The following NPRL3 variants were observed in gnomAD, a reference collection of about 807,000 sequenced individuals.
NPRL3 encodes GATOR1 complex protein NPRL3.
In NPRL3, 23 loss-of-function variants were observed where a neutral mutation model predicts 57.2. The ratio of observed to expected loss-of-function variants is 0.40; its 90% CI spans 0.29 to 0.57. NPRL3 has a LOEUF of 0.57. NPRL3 is among the 20% of genes least tolerant of loss of function. The pLI is 0.42. For missense variants in NPRL3, 691 were observed against 767.1 expected, an observed-to-expected ratio of 0.90 and a Z score of 1.17; for synonymous variants, 333 against 321.1, an observed-to-expected ratio of 1.04 and a Z score of -0.39.
intron 3 of NPRL3, among the ~76,000 whole-genome samples, chr16:121,402 C>T (rs1010417560): frequency 4.6e-5 from 7 of 152,150 alleles, no homozygotes; most frequent in Non-Finnish European, 1.5e-5. Flanking sequence ...GTGGGTGGAT[C>T]ACCCGAGGTC....
chr16:104,200 G>A (rs1024860621), intron 7 of NPRL3, among the ~76,000 whole-genome samples: 1 of 152,052 alleles, frequency 6.6e-6, no homozygotes, highest in African/African-American at 2.4e-5. Context: ...GGCTGAGGCA[G>A]GAGAATCACT....
Position 89,815 on chromosome 16 carries a change from T to C in NPRL3, c.1249A>G (p.Ser417Gly). 1 of 1,592,824 alleles carries C rather than the reference T, an allele frequency of 6.3e-7. No individual in the cohort carries two copies. The highest frequency in any genetic ancestry group is 8.5e-7 in the Non-Finnish European group (1 of 1,171,088). The change falls in exon 12 of 14, where the codon AGC (serine) becomes GGC (glycine). Residue 417 changes from serine (S) to glycine (G), a missense_variant. By Grantham distance (56) the Ser-to-Gly change is moderately conservative. Coordinates refer to ENST00000611875, the MANE Select transcript of NPRL3 (RefSeq NM_001077350.3). ...TCTCGCGGACGGGGCTCCTCCTCGC[T>C]GGGTGAGGCCATCAGGCAGACATAG... ...HTYVCLMASPSEEEPRPREDD... is the reference protein window; with the variant it reads ...HTYVCLMASPGEEEPRPREDD...
intron 2 of NPRL3, among the ~76,000 whole-genome samples, chr16:132,964 C>T (rs1486560437): frequency 5.3e-5 from 8 of 151,954 alleles, no homozygotes; most frequent in Non-Finnish European, 1.0e-4. Context: ...CCACCGCACC[C>T]GGCCCACCTT....
chr16:99,984 GAAAAAA>G (rs11402477), intron 8 of NPRL3, among the ~76,000 whole-genome samples: 1 of 115,864 alleles, frequency 8.6e-6, no homozygotes, highest in South Asian at 2.6e-4. Flanking sequence ...AAAAGAAAAA[GAAAAAA>G]AAAAGAAAAA....
At chr16:124,287 C>T (rs1359336848) in intron 3 of NPRL3, among the ~76,000 whole-genome samples, 3 of 152,206 alleles carry the variant, frequency 2.0e-5, no homozygotes, top group African/African-American at 7.2e-5. Context: ...AGAGCTGGGT[C>T]AGACCCAGCA....
intron 3 of NPRL3, among the ~76,000 whole-genome samples, chr16:124,300 A>G (rs1275540820): frequency 1.3e-5 from 2 of 152,118 alleles, no homozygotes; most frequent in African/African-American, 2.4e-5. Context: ...ACCCAGCACC[A>G]TATGTATTAG....
rs114775350 is a variant in NPRL3 at position 88,559 on chromosome 16, C to T, written c.1544+139G>A. The T allele has an allele frequency of 1.4e-3, 1,099 of 807,296 alleles. 9 individuals are homozygous for T. The African/African-American group carries it at 0.017, about 12-fold the overall frequency. The allele number at this position is 807,296 out of a possible 1,614,324, so 50.0% of individuals were successfully genotyped here. A position where few individuals can be genotyped will look rare whatever the true frequency, so the allele number is the denominator to read the frequency against. On this transcript the variant is annotated intron_variant, in intron 13 of 13. Coordinates refer to ENST00000611875, the MANE Select transcript of NPRL3 (RefSeq NM_001077350.3). ...GGGCAGTGGCACCTGCCCCTACACA[C>T]CTGAATGCAGAGACTCCATCTCGAA...
At chr16:98,429 C>T (rs1208340673) in intron 8 of NPRL3, 128 bp from the exon 9 acceptor site, 1 of 1,016,082 alleles carries the variant, frequency 9.8e-7, no homozygotes, top group East Asian at 2.6e-5. Flanking sequence ...ACCGGGTATG[C>T]ACCAGGTATG....
intron 7 of NPRL3, among the ~76,000 whole-genome samples, chr16:105,732 T>A (rs964821355): frequency 6.6e-6 from 1 of 152,348 alleles, no homozygotes; most frequent in South Asian, 2.1e-4. Context: ...CCCTAGCGGA[T>A]GAGCTGTGCT....
chr16:86,886 G>T lies in NPRL3; in HGVS notation c.1545-16C>A. 2.5e-6 allele frequency: 4 copies of T among 1,610,010 alleles called. No homozygotes were observed. Among genetic ancestry groups the T allele is most frequent in the South Asian group, 1.1e-5 (1 of 90,670 alleles). On this transcript the variant is annotated splice_polypyrimidine_tract_variant and intron_variant, in intron 13 of 13. Transcript: ENST00000611875. ...GTGAAGGAGCCTGGAAGGGATGGGT[G>T]GGTGTGAGCCCAACCTGACACCAGC... is the stretch of plus-strand genomic sequence containing the variant.
intron 3 of NPRL3, among the ~76,000 whole-genome samples, chr16:122,277 T>C (rs1900316595): frequency 6.6e-6 from 1 of 151,674 alleles, no homozygotes; most frequent in Non-Finnish European, 1.5e-5. Flanking sequence ...TTCATATTTT[T>C]TAGTAGAGAC....
chr16:126,416 C>T (rs1596535511), intron 3 of NPRL3: 1 of 144,486 alleles, frequency 6.9e-6, no homozygotes, highest in Admixed American at 7.3e-5. Flanking sequence ...AATGAAACTA[C>T]GTCTCAAAAT....
chr16:88,702 C>A lies in NPRL3; in HGVS notation c.1540G>T (p.Ala514Ser). 6.2e-7 allele frequency: 1 copy of A among 1,607,452 alleles called. No homozygotes were observed. The highest frequency in any genetic ancestry group is 8.5e-7 in the Non-Finnish European group (1 of 1,174,922). The change falls in exon 13 of 14, where the codon GCC becomes TCC. Residue 514 changes from alanine to serine, a missense_variant. By Grantham distance (99) the Ala-to-Ser change is moderately conservative. Coordinates refer to ENST00000611875, the MANE Select transcript of NPRL3 (RefSeq NM_001077350.3). ...AQNPEDLRMF[A>S]RLLHYFRGRH... ...AACGGGTCAACCTACACCCACCTGG[C>A]AAACATGCGGAGGTCCTCAGGGTTC...
intron 2 of NPRL3, 36 bp from the exon 3 acceptor site, chr16:130,627 A>G (rs1165915609): frequency 6.5e-7 from 1 of 1,546,706 alleles, no homozygotes; most frequent in Admixed American, 2.0e-5. Flanking sequence ...GGGCTAAGAA[A>G]ACAGGGTCCT....
chr16:137,517 G>A (rs1041223030), intron 2 of NPRL3, among the ~76,000 whole-genome samples: 5 of 152,074 alleles, frequency 3.3e-5, no homozygotes, highest in African/African-American at 1.2e-4. Context: ...GCTAGAACTG[G>A]GGGTGGCAAA....
chr16:95,323 G>GTATA (rs1425173088), intron 9 of NPRL3, among the ~76,000 whole-genome samples: 715 of 32,686 alleles, frequency 0.022, 14 homozygotes, highest in African/African-American at 0.039. Flanking sequence ...ATGTTTGTGT[G>GTATA]TGTATATATA....
intron 4 of NPRL3, 120 bp downstream of exon 4, chr16:119,006 C>T (rs1377868630): frequency 6.9e-7 from 1 of 1,455,878 alleles, no homozygotes. Context: ...AGAGCCACAC[C>T]TGCCCAGGGG....
chr16:130,385 G>C, intron 3 of NPRL3, 137 bp downstream of exon 3: 2 of 826,296 alleles, frequency 2.4e-6, no homozygotes, highest in Non-Finnish European at 3.8e-6. Context: ...TACACTACCT[G>C]AGAGCACCCA....
chr16:99,034 C>T (rs1038771304), intron 8 of NPRL3, among the ~76,000 whole-genome samples: 1 of 152,174 alleles, frequency 6.6e-6, no homozygotes, highest in Non-Finnish European at 1.5e-5. Flanking sequence ...TGTATCCCAC[C>T]TCAGAGACGC....
Sources: allele counts gnomAD v4.1 joint callset (sites outside exome capture counted in the v4.1 genomes callset), GRCh38; gene constraint gnomAD v4.1.1; transcripts MANE v1.5; gene names NCBI Gene and HGNC (gene_info 2026-07-23, HGNC 2026-07-21).